Variants in PHACTR2 observed in about 807,000 individuals in gnomAD.
PHACTR2 encodes phosphatase and actin regulator 2, also known as chromosome 6 open reading frame 56.
In PHACTR2, 30 loss-of-function variants were observed where a neutral mutation model predicts 76.0. The ratio of observed to expected loss-of-function variants is 0.39; its 90% CI spans 0.30 to 0.54. The LOEUF (loss-of-function observed/expected upper bound fraction) is 0.54, where lower values mean the gene tolerates loss of function less well. PHACTR2 is among the 20% of genes least tolerant of loss of function. The pLI is 0.61. For missense variants in PHACTR2, 696 were observed against 781.1 expected, an observed-to-expected ratio of 0.89 and a Z score of 1.30; for synonymous variants, 292 against 292.5, an observed-to-expected ratio of 1.00 and a Z score of 0.02.
chr6:143,667,650 G>A (rs1431916178), intron 1 of PHACTR2, among the ~76,000 whole-genome samples: 1 of 152,148 alleles, frequency 6.6e-6, no homozygotes, highest in Admixed American at 6.5e-5. Context: ...GTGAATGGGA[G>A]TTCACTCATG....
rs1775909959 is a variant in PHACTR2, at chr6:143,608,218, T to G, written c.-92T>G. On this transcript the variant is annotated 5_prime_UTR_variant, in exon 1 of 12. Transcript: ENST00000305766. The surrounding 1 kb of genome is among the most constrained non-coding windows in gnomAD (Gnocchi z 4.6). Reference sequence around the variant, plus strand: ...TGCTCAGTGTGCCAGCAAGGGCTGATAATCAGCAGAAGGACAGGGTGCTTC... The same window carrying G: ...TGCTCAGTGTGCCAGCAAGGGCTGAGAATCAGCAGAAGGACAGGGTGCTTC... 2 of 1,325,666 alleles carry G rather than the reference T, an allele frequency of 1.5e-6. No individual in the cohort carries two copies. The highest frequency in any genetic ancestry group is 1.4e-5 in the African/African-American group (1 of 69,336). 82.1% of individuals were successfully genotyped at this position (1,325,666 alleles called of 1,614,324 possible). A position where few individuals can be genotyped will look rare whatever the true frequency, so the allele number is the denominator to read the frequency against.
At chr6:143,675,583 T>C (rs907060453), upstream of PHACTR2, among the ~76,000 whole-genome samples, 9 of 152,198 alleles carry the variant, frequency 5.9e-5, no homozygotes, top group African/African-American at 1.9e-4. This position sits in a 1 kb window ranked among gnomAD's most constrained non-coding sequence, Gnocchi z 4.9. Context: ...TTTACCAAGA[T>C]ATCACTGGAT....
At chr6:143,788,643 T>C (rs79416490) in intron 10 of PHACTR2, 130 bp from the exon 11 acceptor site, 2 of 71,130 alleles carry the variant, frequency 2.8e-5, no homozygotes, top group Non-Finnish European at 6.3e-5. Flanking sequence ...TGCTGTTGCC[T>C]TTTTTTTTTT....
chr6:143,746,717 T>G (rs1022168960), intron 2 of PHACTR2, among the ~76,000 whole-genome samples: 6 of 152,318 alleles, frequency 3.9e-5, no homozygotes, highest in Admixed American at 3.3e-4. Flanking sequence ...CCTGTCACTG[T>G]GGGTGTTCTT....
chr6:143,657,046 A>C (rs112934079), intron 1 of PHACTR2, among the ~76,000 whole-genome samples: 2,200 of 142,676 alleles, frequency 0.015, 65 homozygotes, highest in African/African-American at 0.054. Flanking sequence ...GAACACATGG[A>C]TGCAGGGAGG....
Position 143,757,963 on chromosome 6 carries a change from G to GCACACA in PHACTR2, c.455-2417_455-2412dup, listed in dbSNP as rs1184706755. On this transcript the variant is annotated intron_variant, in intron 4 of 12. Transcript: ENST00000440869. This position sits in a 1 kb window ranked among gnomAD's most constrained non-coding sequence, Gnocchi z 4.2. The stretch of plus-strand genomic sequence containing the variant: ...CGTGTGTGTGCATGCACACGTGCGC[G>GCACACA]CACACACACACACACACACACACAC... Among the ~76,000 whole-genome samples the GCACACA allele has an allele frequency of 1.5e-5, 2 of 131,540 alleles. No homozygotes were observed. Among genetic ancestry groups the GCACACA allele is most frequent in the East Asian group, 2.1e-4 (1 of 4,818 alleles). The allele number at this position is 131,540 out of a possible 152,430, so 86.3% of individuals were successfully genotyped here.
rs1021429044 is a variant in PHACTR2 at position 143,558,903 on chromosome 6, A to G, written c.217+21696A>G. Among the ~76,000 whole-genome samples, 6 of 152,182 alleles carry G rather than the reference A, an allele frequency of 3.9e-5. No individual in the cohort carries two copies. Among genetic ancestry groups the G allele is most frequent in the African/African-American group, 1.4e-4 (6 of 41,436 alleles). On this transcript the variant is annotated intron_variant, in intron 1 of 11. Coordinates refer to the PHACTR2 transcript ENST00000367584. This position sits in a 1 kb window ranked among gnomAD's most constrained non-coding sequence, Gnocchi z 4.7. ...CCTGATGATTGACCAGCTGAAATGC[A>G]TGTGTATGGCTTAGGCCTCTCCCAT...
rs928166949 is a variant in PHACTR2, at chr6:143,767,457, T to G, written c.1232+1659T>G. ...CAAATTACAAATTAATTTATTTTCT[T>G]TGTTTGACATTTTAATAAAAGATAT... On this transcript the variant is annotated intron_variant, in intron 6 of 12. Transcript: ENST00000440869. This position sits in a 1 kb window ranked among gnomAD's most constrained non-coding sequence, Gnocchi z 4.4. Among the ~76,000 whole-genome samples the G allele has an allele frequency of 8.5e-5, 13 of 152,234 alleles. No individual in the cohort carries two copies. Among genetic ancestry groups the G allele is most frequent in the Non-Finnish European group, 1.8e-4 (12 of 68,040 alleles).
Position 143,777,909 on chromosome 6 carries a change from G to A in PHACTR2, c.1645+526G>A, listed in dbSNP as rs373448239. On this transcript the variant is annotated intron_variant, in intron 9 of 12. Transcript: ENST00000440869. The surrounding 1 kb of genome is among the most constrained non-coding windows in gnomAD (Gnocchi z 4.6). ...GTTTATAATTTCTCAGCACTAAAACGTTCTCCATTCATTTTCCTACTTTAT... is the reference window on the plus strand; with the variant it reads ...GTTTATAATTTCTCAGCACTAAAACATTCTCCATTCATTTTCCTACTTTAT... 2.0e-5 allele frequency among the ~76,000 whole-genome samples: 3 copies of A among 152,174 alleles called. No homozygotes were observed. The highest frequency in any genetic ancestry group is 2.1e-4 in the South Asian group (1 of 4,820).
intron 2 of PHACTR2, among the ~76,000 whole-genome samples, chr6:143,735,965 G>T (rs985712852): frequency 6.6e-6 from 1 of 152,050 alleles, no homozygotes; most frequent in Admixed American, 6.6e-5. Flanking sequence ...AGATATGTGG[G>T]TATTAATAAT....
intron 10 of PHACTR2, among the ~76,000 whole-genome samples, chr6:143,785,556 A>G (rs1167533124): frequency 3.3e-5 from 5 of 152,184 alleles, no homozygotes; most frequent in Non-Finnish European, 7.3e-5. Context: ...CAGCTCCACT[A>G]GGCAGTGCCC....
In PHACTR2 at chr6:143,811,013, C is replaced by A. The variant is rs1290994021; in HGVS notation, c.1922+3880C>A. Reference sequence around the variant, plus strand: ...TATTTTGTTTAAATTTTTGTATATTCAAATCTATCTGTATTGTTATGTTTT... The same window carrying A: ...TATTTTGTTTAAATTTTTGTATATTAAAATCTATCTGTATTGTTATGTTTT... On this transcript the variant is annotated intron_variant, in intron 12 of 12. Transcript: ENST00000440869. This position sits in a 1 kb window ranked among gnomAD's most constrained non-coding sequence, Gnocchi z 4.1. Among the ~76,000 whole-genome samples, 1 of 151,926 alleles carries A rather than the reference C, an allele frequency of 6.6e-6. No homozygotes were observed. The highest frequency in any genetic ancestry group is 2.4e-5 in the African/African-American group (1 of 41,392).
At chr6:143,718,166 T>C (rs1778344025) in intron 2 of PHACTR2, among the ~76,000 whole-genome samples, 1 of 152,206 alleles carries the variant, frequency 6.6e-6, no homozygotes, top group African/African-American at 2.4e-5. Flanking sequence ...ATCAGATCTT[T>C]GATTTTCTGA....
chr6:143,700,174 T>G lies in PHACTR2; in HGVS notation c.47-11842T>G, dbSNP rs1777873507. ...ATATTGGTCTAGATTTAATGTGTTA[T>G]TTTAATAATATTTGTGTTACATTCA... On this transcript the variant is annotated intron_variant, in intron 1 of 12. Coordinates refer to ENST00000440869, the MANE Select transcript of PHACTR2 (RefSeq NM_001100164.2). This position sits in a 1 kb window ranked among gnomAD's most constrained non-coding sequence, Gnocchi z 4.1. Among the ~76,000 whole-genome samples, 1 of 152,236 alleles carries G rather than the reference T, an allele frequency of 6.6e-6. No homozygotes were observed. The highest frequency in any genetic ancestry group is 2.4e-5 in the African/African-American group (1 of 41,460).
Position 143,777,429 on chromosome 6 carries a change from A to C in PHACTR2, c.1645+46A>C, listed in dbSNP as rs1775309662. On this transcript the variant is annotated intron_variant, in intron 9 of 12. Coordinates refer to ENST00000440869, the MANE Select transcript of PHACTR2 (RefSeq NM_001100164.2). The surrounding 1 kb of genome is among the most constrained non-coding windows in gnomAD (Gnocchi z 4.6). ...AATGATTCCTTGTGTAATCGCTAAC[A>C]AGCTGCCTCTACAGATGATCGATTT... 3.0e-6 allele frequency: 3 copies of C among 1,008,546 alleles called. No individual in the cohort carries two copies. The highest frequency in any genetic ancestry group is 5.1e-5 in the East Asian group (2 of 38,892). The allele number at this position is 1,008,546 out of a possible 1,614,324, so 62.5% of individuals were successfully genotyped here.
rs1166814322 is a variant in PHACTR2, at chr6:143,678,634, T to C, written c.46+425T>C. ...GCTTTCAAGCTTGTCAACTGATTTA[T>C]GGTTTGTTATTCGGAGTAGAAGCGC... On this transcript the variant is annotated intron_variant, in intron 1 of 12. Coordinates refer to ENST00000440869, the MANE Select transcript of PHACTR2 (RefSeq NM_001100164.2). The surrounding 1 kb of genome is among the most constrained non-coding windows in gnomAD (Gnocchi z 6.2). Among the ~76,000 whole-genome samples the C allele has an allele frequency of 6.6e-6, 1 of 152,228 alleles. No individual in the cohort carries two copies. The highest frequency in any genetic ancestry group is 1.5e-5 in the Non-Finnish European group (1 of 68,034).
chr6:143,555,405 A>G (rs1775159521), intron 1 of PHACTR2, among the ~76,000 whole-genome samples: 1 of 151,986 alleles, frequency 6.6e-6, no homozygotes, highest in Admixed American at 6.6e-5. Flanking sequence ...GGAGCCAAAA[A>G]CCTTATCACT....
At chr6:143,685,851 G>C (rs1777506795) in intron 1 of PHACTR2, among the ~76,000 whole-genome samples, 1 of 152,120 alleles carries the variant, frequency 6.6e-6, no homozygotes, top group Non-Finnish European at 1.5e-5. Flanking sequence ...GTGCACTTAG[G>C]CCGGGCGTGG....
rs1776399545 is a variant in PHACTR2, at chr6:143,633,491, A to T, written c.13+25169A>T. ...GGTCTTTTGTCCATTTTTAAATTGG[A>T]TTCTTCATTCCCTTATTGTTGTGCT... On this transcript the variant is annotated intron_variant, in intron 1 of 11. Transcript: ENST00000305766. This position sits in a 1 kb window ranked among gnomAD's most constrained non-coding sequence, Gnocchi z 4.1. 6.6e-6 allele frequency among the ~76,000 whole-genome samples: 1 copy of T among 152,130 alleles called. No homozygotes were observed. The highest frequency in any genetic ancestry group is 6.5e-5 in the Admixed American group (1 of 15,270).
Sources: allele counts gnomAD v4.1 joint callset (sites outside exome capture counted in the v4.1 genomes callset), GRCh38; gene constraint gnomAD v4.1.1; non-coding constraint Gnocchi (gnomAD v3.1); transcripts MANE v1.5; gene names NCBI Gene and HGNC (gene_info 2026-07-23, HGNC 2026-07-21).